The following SLC7A1 variants were observed in gnomAD, a reference collection of about 807,000 sequenced individuals.
SLC7A1 encodes the protein high affinity cationic amino acid transporter 1.
Under a neutral mutation model 53.9 loss-of-function variants are expected in SLC7A1, and 10 were observed. That is an observed-to-expected ratio of 0.19 (90% confidence interval 0.11 to 0.31). The LOEUF (loss-of-function observed/expected upper bound fraction) is 0.31. SLC7A1 is among the 10% of genes least tolerant of loss of function. The pLI is 1.00. For synonymous variants in SLC7A1, 342 were observed against 338.7 expected, an observed-to-expected ratio of 1.01 and a Z score of -0.11; for missense variants, 525 against 827.2, an observed-to-expected ratio of 0.63 and a Z score of 4.48.
At chr13:29,531,163 G>A (rs942417038) in intron 4 of SLC7A1, among the ~76,000 whole-genome samples, 1 of 152,194 alleles carries the variant, frequency 6.6e-6, no homozygotes, top group African/African-American at 2.4e-5. Flanking sequence ...TTTTTCAGAA[G>A]AGGAAATTAT....
At chr13:29,570,857 CAA>C (rs11321368) in intron 1 of SLC7A1, among the ~76,000 whole-genome samples, 10,005 of 138,936 alleles carry the variant, frequency 0.072, 380 homozygotes, top group Middle Eastern at 0.17. Flanking sequence ...GACTTTGTCT[CAA>C]AAAAAAAAAA....
intron 2 of SLC7A1, among the ~76,000 whole-genome samples, chr13:29,543,963 C>T (rs1291018167): frequency 6.6e-6 from 1 of 152,130 alleles, no homozygotes; most frequent in Non-Finnish European, 1.5e-5. Context: ...GGAAGTTGCC[C>T]AGCCAAGAAC....
chr13:29,529,196 T>G (rs1869038019), intron 5 of SLC7A1, among the ~76,000 whole-genome samples: 1 of 152,200 alleles, frequency 6.6e-6, no homozygotes, highest in African/African-American at 2.4e-5. Flanking sequence ...GCAGTTTTAT[T>G]AGAACTGCTA....
chr13:29,518,594 T>C (rs1419369905), intron 9 of SLC7A1, among the ~76,000 whole-genome samples: 2 of 152,198 alleles, frequency 1.3e-5, no homozygotes, highest in African/African-American at 4.8e-5. Context: ...TATTCTAGCA[T>C]TGGGCCCCTT....
intron 10 of SLC7A1, 121 bp from the exon 11 acceptor site, chr13:29,517,431 A>T: frequency 1.6e-6 from 2 of 1,243,966 alleles, no homozygotes; most frequent in Non-Finnish European, 2.3e-6. Flanking sequence ...GCACAACTAC[A>T]GTTAACACAG....
intron 3 of SLC7A1, among the ~76,000 whole-genome samples, chr13:29,535,044 G>C (rs1360265063): frequency 6.6e-6 from 1 of 152,182 alleles, no homozygotes; most frequent in Non-Finnish European, 1.5e-5. Context: ...CAGGGAAAGG[G>C]GCCCCTGGCT....
intron 1 of SLC7A1, among the ~76,000 whole-genome samples, chr13:29,587,273 G>C (rs962275788): frequency 7.2e-5 from 11 of 152,178 alleles, no homozygotes; most frequent in African/African-American, 2.7e-4. Context: ...TTCTGGGCCA[G>C]GAAAGGGGAG....
chr13:29,525,711 A>G (rs1220262303), intron 5 of SLC7A1, among the ~76,000 whole-genome samples: 1 of 152,240 alleles, frequency 6.6e-6, no homozygotes, highest in East Asian at 1.9e-4. Flanking sequence ...GTGGTCCCAT[A>G]AACAGTAACG....
chr13:29,540,040 A>G (rs1445255964), intron 2 of SLC7A1, among the ~76,000 whole-genome samples: 2 of 152,200 alleles, frequency 1.3e-5, no homozygotes, highest in African/African-American at 4.8e-5. Context: ...TTTTGTACAC[A>G]TTATACCAGC....
At chr13:29,572,377 C>T (rs1871235941) in intron 1 of SLC7A1, among the ~76,000 whole-genome samples, 1 of 152,114 alleles carries the variant, frequency 6.6e-6, no homozygotes, top group Non-Finnish European at 1.5e-5. Context: ...GGGGCAGGTG[C>T]CAGTGTAATT....
intron 1 of SLC7A1, among the ~76,000 whole-genome samples, chr13:29,567,751 G>A (rs189571315): frequency 3.3e-5 from 5 of 152,282 alleles, no homozygotes; most frequent in African/African-American, 1.2e-4. Flanking sequence ...CCAGGAGCTC[G>A]GGAGAGCAGC....
At chr13:29,543,131 G>C (rs112927620) in intron 2 of SLC7A1, among the ~76,000 whole-genome samples, 4 of 152,180 alleles carry the variant, frequency 2.6e-5, no homozygotes, top group Admixed American at 2.0e-4. Context: ...GTTGCGGGGG[G>C]TGCGAGGCTA....
At chr13:29,526,755 A>C (rs1868911175) in intron 5 of SLC7A1, among the ~76,000 whole-genome samples, 1 of 152,204 alleles carries the variant, frequency 6.6e-6, no homozygotes, top group South Asian at 2.1e-4. Flanking sequence ...GGAGAGAAGG[A>C]AGCAAGGGCG....
intron 1 of SLC7A1, among the ~76,000 whole-genome samples, chr13:29,573,141 T>C (rs1278428267): frequency 2.0e-5 from 3 of 152,234 alleles, no homozygotes; most frequent in African/African-American, 7.2e-5. Flanking sequence ...AGGACAATAT[T>C]GTCATCAAAA....
At chr13:29,542,886 T>C (rs1197974108) in intron 2 of SLC7A1, among the ~76,000 whole-genome samples, 3 of 152,124 alleles carry the variant, frequency 2.0e-5, no homozygotes, top group Non-Finnish European at 4.4e-5. Flanking sequence ...CCAGTCTCAC[T>C]GGGCAGCGGC....
At chr13:29,559,926 A>G (rs937343476) in intron 1 of SLC7A1, among the ~76,000 whole-genome samples, 58 of 152,186 alleles carry the variant, frequency 3.8e-4, no homozygotes, top group Non-Finnish European at 5.9e-4. Flanking sequence ...CGTGTTAGCC[A>G]GGATGGTCTC....
In SLC7A1 at chr13:29,510,633, T is replaced by A. The variant is rs1566248866; in HGVS notation, c.*3847A>T. On this transcript the variant is annotated 3_prime_UTR_variant, in exon 13 of 13. Coordinates refer to ENST00000380752, the MANE Select transcript of SLC7A1 (RefSeq NM_003045.5). ...CCTGCAATTTCCCCGTCCTCGGAACTGTCTCACGAGACCACCAGCGCACAG... is the reference window on the plus strand; with the variant it reads ...CCTGCAATTTCCCCGTCCTCGGAACAGTCTCACGAGACCACCAGCGCACAG... The A allele has an allele frequency of 6.6e-6, 1 of 152,268 alleles. No homozygotes were observed. Among genetic ancestry groups the A allele is most frequent in the Admixed American group, 6.5e-5 (1 of 15,286 alleles). The allele number at this position is 152,268 out of a possible 1,614,324, so 9.4% of individuals were successfully genotyped here.
intron 1 of SLC7A1, among the ~76,000 whole-genome samples, chr13:29,563,508 T>C (rs749039870): frequency 2.0e-5 from 3 of 152,094 alleles, no homozygotes; most frequent in African/African-American, 4.8e-5. Flanking sequence ...CTGAACCAGA[T>C]AGGAGAATAA....
At chr13:29,578,098 A>G (rs933762979) in intron 1 of SLC7A1, among the ~76,000 whole-genome samples, 1 of 152,068 alleles carries the variant, frequency 6.6e-6, no homozygotes, top group Non-Finnish European at 1.5e-5. Flanking sequence ...CTCTGAGGGC[A>G]TTTCTTACTC....
Sources: gnomAD v4.1 joint callset for allele counts (sites outside exome capture counted in the v4.1 genomes callset) on GRCh38, gnomAD v4.1.1 for gene constraint, MANE v1.5 for transcripts, NCBI Gene and HGNC (gene_info 2026-07-23, HGNC 2026-07-21) for gene names.